The following NHSL2 variants were observed in gnomAD, a reference collection of about 807,000 sequenced individuals.
NHSL2 encodes the protein NHS-like protein 2.
Under a neutral mutation model 53.4 loss-of-function variants are expected in NHSL2, and 27 were observed. The observed-to-expected ratio is 0.51, with a 90% CI of 0.37 to 0.70. The LOEUF is 0.70. Among genes scored for constraint, NHSL2 ranks in the 30% least tolerant of loss-of-function variants. NHSL2 has a pLI of 0.00. For synonymous variants in NHSL2, 408 were observed against 404.1 expected (o/e 1.01, Z -0.12); for missense variants, 892 against 980.1 (o/e 0.91, Z 1.20).
chrX:71,975,514 C>T (rs2041944369), intron 1 of NHSL2, among the ~76,000 whole-genome samples: 2 of 111,169 alleles, frequency 1.8e-5, no homozygotes, highest in Non-Finnish European at 3.8e-5. Flanking sequence ...GCCTATACCC[C>T]GTGATACCCT....
At chrX:72,006,334 C>T (rs898825448) in intron 1 of NHSL2, among the ~76,000 whole-genome samples, 3 of 112,390 alleles carry the variant, frequency 2.7e-5, no homozygotes, top group Non-Finnish European at 5.6e-5. Flanking sequence ...GTTGGCTCCG[C>T]GTTCCCCTTT....
chrX:71,981,908 C>T (rs929921531), intron 1 of NHSL2, among the ~76,000 whole-genome samples: 1 of 111,946 alleles, frequency 8.9e-6, no homozygotes, highest in African/African-American at 3.2e-5. Flanking sequence ...GAAAACAGTA[C>T]AGCAGTTACA....
At chrX:72,068,529 G>A (rs2042444868) in intron 1 of NHSL2, among the ~76,000 whole-genome samples, 1 of 112,525 alleles carries the variant, frequency 8.9e-6, no homozygotes, top group Non-Finnish European at 1.9e-5. Flanking sequence ...AGGAGCCACA[G>A]CCCTTCCTCA....
chrX:72,123,307 T>A (rs1033901160), intron 1 of NHSL2, among the ~76,000 whole-genome samples: 2 of 111,948 alleles, frequency 1.8e-5, no homozygotes, highest in Non-Finnish European at 3.8e-5. Flanking sequence ...ATGGCATAGA[T>A]AATTAATGAG....
intron 1 of NHSL2, among the ~76,000 whole-genome samples, chrX:72,109,470 G>A (rs4076908): frequency 0.043 from 4,761 of 110,412 alleles, 270 homozygotes; most frequent in African/African-American, 0.15. Context: ...TTTTGTTGTT[G>A]TTTGTTTGTT....
intron 1 of NHSL2, among the ~76,000 whole-genome samples, chrX:71,919,890 GGCAGA>G (rs1292691222): frequency 1.8e-5 from 2 of 112,708 alleles, no homozygotes; most frequent in Non-Finnish European, 3.8e-5. Flanking sequence ...CCTGCCTTTG[GGCAGA>G]GCTCTTGTCC....
intron 1 of NHSL2, among the ~76,000 whole-genome samples, chrX:72,025,414 T>C (rs1329449927): frequency 9.0e-6 from 1 of 111,712 alleles, no homozygotes; most frequent in East Asian, 2.8e-4. Flanking sequence ...ACCTCACCTA[T>C]GCACTCTCAC....
intron 1 of NHSL2, among the ~76,000 whole-genome samples, chrX:72,037,090 A>G (rs919876118): frequency 9.3e-6 from 1 of 106,957 alleles, no homozygotes; most frequent in Non-Finnish European, 2.0e-5. Context: ...CTCTTATTTC[A>G]GTCTCCTATT....
At chrX:72,007,229 T>A (rs1279226187) in intron 1 of NHSL2, among the ~76,000 whole-genome samples, 1 of 112,447 alleles carries the variant, frequency 8.9e-6, no homozygotes, top group Non-Finnish European at 1.9e-5. Context: ...CATTGGTGGT[T>A]CACATACATA....
intron 1 of NHSL2, among the ~76,000 whole-genome samples, chrX:72,015,973 T>A (rs951363404): frequency 5.3e-5 from 6 of 112,378 alleles, no homozygotes; most frequent in Non-Finnish European, 1.1e-4. Context: ...TAAAAAAAAA[T>A]TATTCTTTTG....
intron 1 of NHSL2, among the ~76,000 whole-genome samples, chrX:72,075,935 G>T (rs1380438747): frequency 9.2e-6 from 1 of 108,825 alleles, no homozygotes; most frequent in Non-Finnish European, 1.9e-5. Context: ...TGTGTTGTGT[G>T]TGTATTTTTT....
chrX:72,143,664 C>A lies in NHSL2; in HGVS notation c.*90C>A. The stretch of plus-strand genomic sequence containing the variant: ...TCTTTAAACAGAACCATGGGAACAA[C>A]AGAGCCTACATTTCTTTTATATTAA... On this transcript the variant is annotated 3_prime_UTR_variant, in exon 8 of 8. Coordinates refer to ENST00000633930, the MANE Select transcript of NHSL2 (RefSeq NM_001013627.3). 1 of 564,388 alleles carries A rather than the reference C, an allele frequency of 1.8e-6. No individual in the cohort carries two copies. The highest frequency in any genetic ancestry group is 2.8e-6 in the Non-Finnish European group (1 of 357,036). The allele number at this position is 564,388 out of a possible 1,213,427, so 46.5% of individuals were successfully genotyped here.
chrX:71,989,237 T>G (rs769726855), intron 1 of NHSL2, among the ~76,000 whole-genome samples: 60 of 106,976 alleles, frequency 5.6e-4, no homozygotes, highest in African/African-American at 2.0e-3. Context: ...TAGTGCCAGC[T>G]ACTCGGGAGG....
intron 1 of NHSL2, among the ~76,000 whole-genome samples, chrX:72,041,092 G>T (rs769111823): frequency 8.9e-6 from 1 of 112,169 alleles, no homozygotes; most frequent in Non-Finnish European, 1.9e-5. Context: ...GGAGGTTTCA[G>T]TTGGGTCTTA....
At chrX:72,035,618 T>C (rs766758754) in intron 1 of NHSL2, among the ~76,000 whole-genome samples, 6 of 111,946 alleles carry the variant, frequency 5.4e-5, no homozygotes, top group Non-Finnish European at 1.1e-4. Context: ...TAGCCTCCCT[T>C]ATTTATAATT....
Position 72,122,882 on chromosome X carries a change from C to T in NHSL2, c.281-9197C>T, listed in dbSNP as rs751068953. Among the ~76,000 whole-genome samples the T allele has an allele frequency of 3.5e-5, 4 of 113,112 alleles. No homozygotes were observed. In the Admixed American group the frequency reaches 3.7e-4, roughly 11 times the overall value. ...CCAGTCCTCTTTCCAAAGGCCATTG[C>T]CAATGCAGCCTTCATCTGCAAAGAG... On this transcript the variant is annotated intron_variant, in intron 1 of 7. Coordinates refer to ENST00000633930, the MANE Select transcript of NHSL2 (RefSeq NM_001013627.3).
chrX:72,028,010 T>C (rs969711916), intron 1 of NHSL2, among the ~76,000 whole-genome samples: 5 of 111,744 alleles, frequency 4.5e-5, no homozygotes, highest in Non-Finnish European at 9.4e-5. Flanking sequence ...CTGCTGCTGC[T>C]GCCACTGCTG....
intron 1 of NHSL2, among the ~76,000 whole-genome samples, chrX:72,026,215 A>G (rs1289151216): frequency 8.9e-6 from 1 of 112,192 alleles, no homozygotes; most frequent in Non-Finnish European, 1.9e-5. Context: ...GCACATTAAT[A>G]TCACCTGGGG....
chrX:72,041,232 G>A (rs2042272395), intron 1 of NHSL2, among the ~76,000 whole-genome samples: 1 of 111,829 alleles, frequency 8.9e-6, no homozygotes, highest in African/African-American at 3.3e-5. Context: ...GGCTAAGAGG[G>A]CCCAGGAAGT....
Sources: allele counts gnomAD v4.1 joint callset (sites outside exome capture counted in the v4.1 genomes callset), GRCh38; gene constraint gnomAD v4.1.1; transcripts MANE v1.5; gene names NCBI Gene and HGNC (gene_info 2026-07-23, HGNC 2026-07-21).